The following CDH1 variants were observed in gnomAD, a reference collection of about 807,000 sequenced individuals.
CDH1 encodes the protein cadherin 1.
In CDH1, 35 loss-of-function variants were observed where a neutral mutation model predicts 84.5. That is an observed-to-expected ratio of 0.41 (90% CI 0.32 to 0.55). CDH1 has a LOEUF of 0.55. CDH1 is among the 20% of genes least tolerant of loss of function. The probability of loss-of-function intolerance (pLI) is 0.19; values close to 1 mark genes in which losing one functional copy is unlikely to be tolerated. For synonymous variants in CDH1, 417 were observed against 439.0 expected, an observed-to-expected ratio of 0.95 and a Z score of 0.63; for missense variants, 994 against 1,126.6, an observed-to-expected ratio of 0.88 and a Z score of 1.68.
chr16:68,826,090 G>T (rs938531143), intron 13 of CDH1, among the ~76,000 whole-genome samples: 2 of 152,026 alleles, frequency 1.3e-5, no homozygotes, highest in African/African-American at 2.4e-5. Flanking sequence ...AAAGTGTTGG[G>T]ATTATAGGCA....
At chr16:68,767,658 TG>T (rs1333465895) in intron 2 of CDH1, among the ~76,000 whole-genome samples, 2 of 152,278 alleles carry the variant, frequency 1.3e-5, no homozygotes, top group Non-Finnish European at 2.9e-5. Flanking sequence ...GTTGTTTGTT[TG>T]TTTTTTTATT....
chr16:68,761,398 A>C (rs1256147706), intron 2 of CDH1, among the ~76,000 whole-genome samples: 1 of 152,150 alleles, frequency 6.6e-6, no homozygotes, highest in Admixed American at 6.5e-5. Context: ...CTAGGTGCCC[A>C]TCTCACCCAT....
chr16:68,823,850 C>T (rs937394877), intron 13 of CDH1, among the ~76,000 whole-genome samples: 1 of 152,056 alleles, frequency 6.6e-6, no homozygotes, highest in African/African-American at 2.4e-5. Context: ...CAACAGGGGA[C>T]CCAGGTTTCT....
At chr16:68,818,985 A>G (rs1269462335) in intron 10 of CDH1, among the ~76,000 whole-genome samples, 3 of 151,890 alleles carry the variant, frequency 2.0e-5, no homozygotes, top group Admixed American at 1.3e-4. Context: ...CCTCCCCAGT[A>G]GCTGGGATTA....
intron 3 of CDH1, among the ~76,000 whole-genome samples, chr16:68,806,352 G>C (rs867706471): frequency 6.6e-6 from 1 of 151,762 alleles, no homozygotes; most frequent in Non-Finnish European, 1.5e-5. Context: ...GTTTTGGCAC[G>C]TTGGCCAAGC....
chr16:68,747,805 C>A (rs1018791954), intron 2 of CDH1, among the ~76,000 whole-genome samples: 1 of 152,108 alleles, frequency 6.6e-6, no homozygotes, highest in African/African-American at 2.4e-5. Flanking sequence ...GCTCTATTGT[C>A]CAGGCTGGAG....
rs189969617 is a variant in CDH1 at position 68,810,183 on chromosome 16, C to G, written c.688-14C>G. On this transcript the variant is annotated splice_polypyrimidine_tract_variant and intron_variant, in intron 5 of 15. Transcript: ENST00000261769. ...CTCATCAGAGCTCAAGTCACCCTCA[C>G]TTGGTTCTTTCAGCTCTTCTCTCAC... 6.2e-7 allele frequency: 1 copy of G among 1,614,122 alleles called. No homozygotes were observed. The highest frequency in any genetic ancestry group is 8.5e-7 in the Non-Finnish European group (1 of 1,179,974).
In CDH1 at chr16:68,828,162, C is replaced by T. The variant is rs760834250; in HGVS notation, c.2165-12C>T. ...GCTCTCAACACTTGCTCTGTCTCCC[C>T]CACCATCCCAGTTCTGATTCTGCTG... On this transcript the variant is annotated splice_polypyrimidine_tract_variant and intron_variant, in intron 13 of 15. Coordinates refer to ENST00000261769, the MANE Select transcript of CDH1 (RefSeq NM_004360.5). 6.2e-7 allele frequency: 1 copy of T among 1,613,464 alleles called. No homozygotes were observed. The highest frequency in any genetic ancestry group is 8.5e-7 in the Non-Finnish European group (1 of 1,179,724).
chr16:68,775,221 G>A (rs185002166), intron 2 of CDH1, among the ~76,000 whole-genome samples: 194 of 152,000 alleles, frequency 1.3e-3, no homozygotes, highest in African/African-American at 4.6e-3. Flanking sequence ...GTGTGCGTCC[G>A]AGCATGCACT....
intron 5 of CDH1, among the ~76,000 whole-genome samples, chr16:68,809,549 C>T (rs142643263): frequency 5.3e-5 from 8 of 151,260 alleles, no homozygotes; most frequent in East Asian, 3.9e-4. Flanking sequence ...TTTTTGAGAC[C>T]GAGTCTACCT....
At chr16:68,748,065 A>G (rs1435581901) in intron 2 of CDH1, among the ~76,000 whole-genome samples, 1 of 121,434 alleles carries the variant, frequency 8.2e-6, no homozygotes, top group Non-Finnish European at 1.7e-5. Flanking sequence ...TGCCTGGCCC[A>G]TTTTTATTTT....
At chr16:68,795,121 G>A (rs1960323994) in intron 2 of CDH1, among the ~76,000 whole-genome samples, 1 of 152,146 alleles carries the variant, frequency 6.6e-6, no homozygotes, top group Admixed American at 6.5e-5. Context: ...CAATAAACCT[G>A]TAATGTTACT....
chr16:68,775,252 C>T (rs550805790), intron 2 of CDH1, among the ~76,000 whole-genome samples: 11 of 152,242 alleles, frequency 7.2e-5, no homozygotes, highest in South Asian at 2.1e-4. Flanking sequence ...TTTGAAAGTA[C>T]GCTGCAGGCA....
chr16:68,801,566 G>T (rs1960499141), intron 2 of CDH1, 104 bp from the exon 3 acceptor site: 1 of 895,014 alleles, frequency 1.1e-6, no homozygotes, highest in Non-Finnish European at 1.9e-6. Flanking sequence ...TTTTGGTTGT[G>T]TTTGGTTTTG....
In CDH1 at chr16:68,737,396, C is replaced by G. The variant is rs1962421473; in HGVS notation, c.-20C>G. On this transcript the variant is annotated 5_prime_UTR_variant, in exon 1 of 16. Transcript: ENST00000261769. ...CGACCGCACCCGGCGCCTGCCCTCGCTCGGCGTCCCCGGCCAGCCATGGGC... is the reference window on the plus strand; with the variant it reads ...CGACCGCACCCGGCGCCTGCCCTCGGTCGGCGTCCCCGGCCAGCCATGGGC... The G allele has an allele frequency of 6.5e-7, 1 of 1,530,142 alleles. No individual in the cohort carries two copies. The highest frequency in any genetic ancestry group is 1.4e-5 in the African/African-American group (1 of 72,366). 94.8% of individuals were successfully genotyped at this position (1,530,142 alleles called of 1,614,324 possible). A position where few individuals can be genotyped will look rare whatever the true frequency, so the allele number is the denominator to read the frequency against.
chr16:68,782,369 AGCCATCTGTG>A (rs1959908974), intron 2 of CDH1, among the ~76,000 whole-genome samples: 1 of 152,226 alleles, frequency 6.6e-6, no homozygotes. Flanking sequence ...GTTCTGCAAA[AGCCATCTGTG>A]GCAGAACAGG....
intron 6 of CDH1, 97 bp downstream of exon 6, chr16:68,810,438 T>C: frequency 8.6e-7 from 1 of 1,167,158 alleles, no homozygotes; most frequent in Non-Finnish European, 1.3e-6. Flanking sequence ...TAACTAAAGC[T>C]GATCCTTCCT....
intron 2 of CDH1, among the ~76,000 whole-genome samples, chr16:68,744,155 T>G (rs1962663397): frequency 6.6e-6 from 1 of 152,208 alleles, no homozygotes; most frequent in Non-Finnish European, 1.5e-5. Flanking sequence ...TATTTTTCCC[T>G]CTCAAACTCT....
intron 15 of CDH1, among the ~76,000 whole-genome samples, chr16:68,831,405 T>C (rs1461463334): frequency 6.6e-6 from 1 of 151,756 alleles, no homozygotes; most frequent in African/African-American, 2.4e-5. Context: ...TAGCTTTCTA[T>C]GGGAGCTGTC....
Sources: allele counts gnomAD v4.1 joint callset (sites outside exome capture counted in the v4.1 genomes callset), GRCh38; gene constraint gnomAD v4.1.1; transcripts MANE v1.5; gene names NCBI Gene and HGNC (gene_info 2026-07-23, HGNC 2026-07-21).